The following KHDRBS2 variants were observed in gnomAD, a reference collection of about 807,000 sequenced individuals.
The protein encoded by KHDRBS2 is KH RNA binding domain containing, signal transduction associated 2, also known as KH domain-containing, RNA-binding, signal transduction-associated protein 2.
Under a neutral mutation model 44.3 loss-of-function variants are expected in KHDRBS2, and 26 were observed. That is an observed-to-expected ratio of 0.59 (90% CI 0.43 to 0.81). The LOEUF (loss-of-function observed/expected upper bound fraction) is 0.81. Ranked by LOEUF, KHDRBS2 falls within the 40% of genes least tolerant of loss-of-function variation. The pLI is 0.00. For missense variants in KHDRBS2, 476 were observed against 433.1 expected (o/e 1.10, Z -0.88); for synonymous variants, 194 against 151.1 (o/e 1.28, Z -2.08).
At chr6:61,649,139 A>G in the KHDRBS2 span, among the ~76,000 whole-genome samples, 1 of 152,052 alleles carries the variant, frequency 6.6e-6, no homozygotes, top group Non-Finnish European at 1.5e-5. Flanking sequence ...TCAGAAGGGA[A>G]GGAGTGCAAG....
At chr6:62,107,230 G>A (rs558918621) in intron 2 of KHDRBS2, among the ~76,000 whole-genome samples, 579 of 152,094 alleles carry the variant, frequency 3.8e-3, no homozygotes, top group Non-Finnish European at 4.5e-3. Flanking sequence ...AAGCTGATAA[G>A]CAACTTCAGC....
chr6:61,569,660 C>T, the KHDRBS2 span, among the ~76,000 whole-genome samples: 2 of 152,152 alleles, frequency 1.3e-5, no homozygotes, highest in Non-Finnish European at 2.9e-5. Flanking sequence ...CAAAGACTTC[C>T]ACAGAGTCCA....
intron 4 of KHDRBS2, among the ~76,000 whole-genome samples, chr6:61,940,519 T>A (rs893676506): frequency 3.9e-5 from 6 of 152,126 alleles, no homozygotes; most frequent in Non-Finnish European, 8.8e-5. Context: ...CCATGAGACT[T>A]GGCCTCAAGC....
At chr6:61,969,145 G>T (rs988524871) in intron 4 of KHDRBS2, among the ~76,000 whole-genome samples, 7 of 151,978 alleles carry the variant, frequency 4.6e-5, no homozygotes, top group Non-Finnish European at 1.0e-4. Context: ...TAATGCAAGG[G>T]TAGCAAGTTT....
chr6:62,070,784 G>C (rs971847160), intron 2 of KHDRBS2, among the ~76,000 whole-genome samples: 8 of 151,916 alleles, frequency 5.3e-5, no homozygotes, highest in African/African-American at 1.9e-4. Flanking sequence ...ATTGTGAATA[G>C]TCTCGCAATA....
chr6:61,832,442 T>G (rs998617052), intron 6 of KHDRBS2, among the ~76,000 whole-genome samples: 3 of 152,154 alleles, frequency 2.0e-5, no homozygotes. Context: ...GTGCAAATAA[T>G]TTGATAAGGT....
chr6:61,650,464 C>T, the KHDRBS2 span, among the ~76,000 whole-genome samples: 2 of 150,860 alleles, frequency 1.3e-5, no homozygotes, highest in Non-Finnish European at 2.9e-5. Context: ...TAGAATCTAA[C>T]TAAATATTTG....
intron 6 of KHDRBS2, among the ~76,000 whole-genome samples, chr6:61,735,380 A>C (rs773989067): frequency 1.3e-5 from 2 of 151,646 alleles, no homozygotes; most frequent in African/African-American, 2.4e-5. Context: ...ATGTATTATT[A>C]TTACTCCTTA....
At chr6:61,741,678 G>A (rs1295872774) in intron 6 of KHDRBS2, among the ~76,000 whole-genome samples, 1 of 151,866 alleles carries the variant, frequency 6.6e-6, no homozygotes, top group Non-Finnish European at 1.5e-5. Flanking sequence ...ATTGTCAGAT[G>A]TTGGCAATTT....
intron 7 of KHDRBS2, among the ~76,000 whole-genome samples, chr6:61,729,329 C>T (rs1409647694): frequency 6.6e-6 from 1 of 151,962 alleles, no homozygotes; most frequent in Non-Finnish European, 1.5e-5. Context: ...GCCTTTTGGC[C>T]TTCAGGAGGA....
At chr6:61,785,105 G>A (rs1229351182) in intron 6 of KHDRBS2, among the ~76,000 whole-genome samples, 5 of 151,780 alleles carry the variant, frequency 3.3e-5, no homozygotes, top group East Asian at 1.9e-4. Flanking sequence ...AGTCATAATC[G>A]TGACACTATA....
intron 2 of KHDRBS2, among the ~76,000 whole-genome samples, chr6:62,097,877 T>C (rs892144354): frequency 2.0e-5 from 3 of 152,112 alleles, no homozygotes; most frequent in African/African-American, 7.2e-5. Flanking sequence ...TTTTTATTTT[T>C]AGTGTATCTG....
At chr6:61,964,039 T>C (rs1485957338) in intron 4 of KHDRBS2, among the ~76,000 whole-genome samples, 2 of 152,052 alleles carry the variant, frequency 1.3e-5, no homozygotes, top group Non-Finnish European at 2.9e-5. Context: ...AAGGGTAATG[T>C]CATCTAAAGA....
chr6:61,608,633 C>T, the KHDRBS2 span, among the ~76,000 whole-genome samples: 1 of 150,992 alleles, frequency 6.6e-6, no homozygotes, highest in Non-Finnish European at 1.5e-5. Flanking sequence ...GTTCCCCTCT[C>T]TGTGTCCATG....
intron 7 of KHDRBS2, among the ~76,000 whole-genome samples, chr6:61,717,278 G>C (rs889628995): frequency 6.6e-6 from 1 of 151,872 alleles, no homozygotes; most frequent in Non-Finnish European, 1.5e-5. Flanking sequence ...GAAACACATT[G>C]TTTCTTTCCT....
At chr6:61,672,395 G>C in the KHDRBS2 span, among the ~76,000 whole-genome samples, 1 of 151,960 alleles carries the variant, frequency 6.6e-6, no homozygotes, top group Non-Finnish European at 1.5e-5. Context: ...GGTATTTCTA[G>C]TTCTAGATCC....
chr6:62,142,303 CTGTT>C (rs1384142111), intron 2 of KHDRBS2, among the ~76,000 whole-genome samples: 4 of 152,020 alleles, frequency 2.6e-5, no homozygotes, highest in East Asian at 1.9e-4. Flanking sequence ...TTTTAGGTCT[CTGTT>C]TGTGTTTTGA....
intron 4 of KHDRBS2, among the ~76,000 whole-genome samples, chr6:61,937,474 T>C (rs970315266): frequency 1.3e-5 from 2 of 152,106 alleles, no homozygotes; most frequent in African/African-American, 4.8e-5. Flanking sequence ...TGTTTTGTAA[T>C]ATTTTATTGT....
chr6:62,143,578 G>A (rs1279585013), intron 2 of KHDRBS2, among the ~76,000 whole-genome samples: 6 of 151,814 alleles, frequency 4.0e-5, no homozygotes, highest in African/African-American at 1.2e-4. Flanking sequence ...TTCTCCTCTG[G>A]AGTCTTCTCT....
Sources: allele counts gnomAD v4.1 joint callset (sites outside exome capture counted in the v4.1 genomes callset), GRCh38; gene constraint gnomAD v4.1.1; transcripts MANE v1.5; gene names NCBI Gene and HGNC (gene_info 2026-07-23, HGNC 2026-07-21).